Variants in SURF4 observed in about 807,000 individuals in gnomAD.
The protein encoded by SURF4 is surfeit 4, also known as surfeit locus protein 4.
A neutral mutation model predicts 30.0 loss-of-function variants in SURF4; 3 were observed. That is an observed-to-expected ratio of 0.10 (90% CI 0.05 to 0.26). The LOEUF is 0.26. Among genes scored for constraint, SURF4 ranks in the 10% least tolerant of loss-of-function variants. The pLI is 1.00. For synonymous variants in SURF4, 143 were observed against 139.9 expected (o/e 1.02, Z -0.16); for missense variants, 217 against 350.8 (o/e 0.62, Z 3.05).
intron 1 of SURF4, among the ~76,000 whole-genome samples, chr9:133,371,697 G>C (rs1262146727): frequency 6.6e-6 from 1 of 152,206 alleles, no homozygotes; most frequent in Non-Finnish European, 1.5e-5. Context: ...ATATAGGGCA[G>C]GGTATGACAG....
At chr9:133,372,073 T>C (rs1837540551) in intron 1 of SURF4, among the ~76,000 whole-genome samples, 1 of 152,248 alleles carries the variant, frequency 6.6e-6, no homozygotes, top group Non-Finnish European at 1.5e-5. Context: ...GCTGCAGGCA[T>C]GGACATTAGT....
chr9:133,367,544 C>G, intron 1 of SURF4, 99 bp from the exon 2 acceptor site: 1 of 1,576,542 alleles, frequency 6.3e-7, no homozygotes, highest in Non-Finnish European at 8.6e-7. Flanking sequence ...GGAACAGACG[C>G]TGTGGAAGGC....
In SURF4 at chr9:133,366,671, G is replaced by A; in HGVS notation, c.240C>T (p.Gly80=). Residue 80 remains glycine (G), a synonymous_variant, in exon 3 of 6, where the codon GGC becomes GGT. Transcript: ENST00000371989. ...AGTTCCTGCTCAACACCAGGACGCA[G>A]CCAGCTGGAGAGAAGGACAAGGGTT... ...VFLNLLGQLT[G]CVLVLSRNFV... is the part of the protein sequence containing the mutation. 3.1e-6 allele frequency: 5 copies of A among 1,613,552 alleles called. No individual in the cohort carries two copies. The highest frequency in any genetic ancestry group is 2.7e-5 in the African/African-American group (2 of 75,058).
At chr9:133,367,589 C>T (rs2130147006) in intron 1 of SURF4, 144 bp from the exon 2 acceptor site, 38 of 1,522,094 alleles carry the variant, frequency 2.5e-5, no homozygotes, top group Non-Finnish European at 3.2e-5. Context: ...CTTCCCAGGG[C>T]AGACTAGGGG....
Position 133,362,231 on chromosome 9 carries a change from AGG to A in SURF4, c.*1260_*1261del, listed in dbSNP as rs1160943130. ...AGCCAGCCTGTCCCCAGATAGGTCT[AGG>A]GGCCAGAGAGGTGTTCGACTACCCT... On this transcript the variant is annotated 3_prime_UTR_variant, in exon 6 of 6. Transcript: ENST00000371989. 1 of 152,354 alleles carries A rather than the reference AGG, an allele frequency of 6.6e-6. No homozygotes were observed. Among genetic ancestry groups the A allele is most frequent in the Non-Finnish European group, 1.5e-5 (1 of 68,034 alleles). The allele number at this position is 152,354 out of a possible 1,614,324, so 9.4% of individuals were successfully genotyped here. A position where few individuals can be genotyped will look rare whatever the true frequency, so the allele number is the denominator to read the frequency against.
At position 133,363,248 on chromosome 9, in the gene SURF4, G is replaced by C. The variant is rs41306722; in HGVS notation, c.*245C>G. The C allele has an allele frequency of 8.6e-6, 6 of 694,788 alleles. No individual in the cohort carries two copies. The highest frequency in any genetic ancestry group is 3.6e-5 in the African/African-American group (2 of 56,100). 43.0% of individuals were successfully genotyped at this position (694,788 alleles called of 1,614,324 possible). On this transcript the variant is annotated 3_prime_UTR_variant, in exon 6 of 6. Transcript: ENST00000371989. The surrounding 1 kb of genome is among the most constrained non-coding windows in gnomAD (Gnocchi z 4.3). ...GCTGTTCACTCCAAAGCCTCGGCGT[G>C]GGGGAGGCTTCCAGCTGCCAGGCTG...
At chr9:133,366,057 A>G (rs1439144855) in intron 3 of SURF4, 29 bp from the exon 4 acceptor site, 14 of 1,611,384 alleles carry the variant, frequency 8.7e-6, no homozygotes, top group Non-Finnish European at 1.2e-5. Context: ...GAGATACTTG[A>G]GTCTCAGCCT....
rs138030509 is a variant in SURF4 at position 133,372,663 on chromosome 9, T to G, written c.48+3259A>C. The stretch of plus-strand genomic sequence containing the variant: ...GTTTTGCTCTTGTTTTCTGAAGATG[T>G]GAAAAAATGGATGTGTCACTTTATC... On this transcript the variant is annotated intron_variant, in intron 1 of 5. Coordinates refer to ENST00000371989, the MANE Select transcript of SURF4 (RefSeq NM_033161.4). 4.9e-3 allele frequency: 4,812 copies of G among 984,918 alleles called. 12 individuals are homozygous for G. Among genetic ancestry groups the G allele is most frequent in the Middle Eastern group, 0.015 (28 of 1,914 alleles). 61.0% of individuals were successfully genotyped at this position (984,918 alleles called of 1,614,324 possible).
Position 133,362,550 on chromosome 9 carries a change from T to G in SURF4, c.*943A>C, listed in dbSNP as rs2130076621. On this transcript the variant is annotated 3_prime_UTR_variant, in exon 6 of 6. Transcript: ENST00000371989. ...AGGGCGGCCTGCGCTTTCGAGACCT[T>G]GCTCAGAAAAGGCCCCATGTGAGGT... is the stretch of plus-strand genomic sequence containing the variant. 92 of 152,782 alleles carry G rather than the reference T, an allele frequency of 6.0e-4. 1 individual carries two copies. Among genetic ancestry groups the G allele is most frequent in the African/African-American group, 2.1e-3 (89 of 41,552 alleles). The allele number at this position is 152,782 out of a possible 1,614,324, so 9.5% of individuals were successfully genotyped here.
chr9:133,365,131 C>G, intron 4 of SURF4, 105 bp from the exon 5 acceptor site: 1 of 1,106,484 alleles, frequency 9.0e-7, no homozygotes, highest in South Asian at 1.7e-5. Context: ...AAGGCCCTTA[C>G]TTCCCTTTCT....
At chr9:133,369,706 T>C (rs1837387172) in intron 1 of SURF4, among the ~76,000 whole-genome samples, 1 of 152,160 alleles carries the variant, frequency 6.6e-6, no homozygotes, top group Admixed American at 6.5e-5. Context: ...AGCAACAGTG[T>C]AATCACCCAT....
upstream of SURF4, chr9:133,376,438 G>A (rs2130247607): frequency 5.8e-6 from 9 of 1,542,190 alleles, no homozygotes; most frequent in Middle Eastern, 1.8e-4. Flanking sequence ...GTGGGGCCAG[G>A]GGTGGACGCT....
intron 1 of SURF4, among the ~76,000 whole-genome samples, chr9:133,368,224 G>C (rs2130155501): frequency 0.3 from 45,082 of 152,238 alleles, 8,331 homozygotes; most frequent in South Asian, 0.47. Context: ...GTGACGCCCA[G>C]AGTACCCTGA....
chr9:133,367,308 G>A lies in SURF4; in HGVS notation c.186C>T (p.Gly62=), dbSNP rs2130139202. The change falls in exon 2 of 6, where the codon GGC becomes GGT. Residue 62 remains glycine, a synonymous_variant. Transcript: ENST00000371989. ...AGACGAAGGACGAGGCCAGCAGGTA[G>A]CCGCAGTTCCAGGTGGTGTCGATGT... The part of the protein sequence containing the change: ...RDYIDTTWNC[G]YLLASSFVFL... 6.2e-7 allele frequency: 1 copy of A among 1,614,258 alleles called. No homozygotes were observed. Among genetic ancestry groups the A allele is most frequent in the African/African-American group, 1.3e-5 (1 of 75,078 alleles).
chr9:133,375,502 C>T, intron 1 of SURF4: 1 of 832,848 alleles, frequency 1.2e-6, no homozygotes, highest in Non-Finnish European at 1.5e-6. Flanking sequence ...GAGCTCCCAG[C>T]CCGCCTCCGG....
rs1836943354 is a variant in SURF4, at chr9:133,363,371, T to C, written c.*122A>G. 6.7e-7 allele frequency: 1 copy of C among 1,482,070 alleles called. No individual in the cohort carries two copies. Among genetic ancestry groups the C allele is most frequent in the Admixed American group, 1.9e-5 (1 of 53,700 alleles). The allele number at this position is 1,482,070 out of a possible 1,614,324, so 91.8% of individuals were successfully genotyped here. A position where few individuals can be genotyped will look rare whatever the true frequency, so the allele number is the denominator to read the frequency against. ...GCAAATAAAGTTCTCAAAACATCTG[T>C]GCCTTTACCAAGGGAGGGGAAGGGA... On this transcript the variant is annotated 3_prime_UTR_variant, in exon 6 of 6. Coordinates refer to ENST00000371989, the MANE Select transcript of SURF4 (RefSeq NM_033161.4). The surrounding 1 kb of genome is among the most constrained non-coding windows in gnomAD (Gnocchi z 4.3).
upstream of SURF4, among the ~76,000 whole-genome samples, chr9:133,377,285 G>T (rs1344229513): frequency 6.6e-6 from 1 of 152,148 alleles, no homozygotes; most frequent in Non-Finnish European, 1.5e-5. Flanking sequence ...CTTGATTCGA[G>T]ATACGGCTCC....
chr9:133,376,603 A>C, upstream of SURF4: 1 of 1,511,788 alleles, frequency 6.6e-7, no homozygotes, highest in African/African-American at 1.4e-5. Flanking sequence ...TCCGTGGGGT[A>C]ACGGTCGCAA....
At chr9:133,375,894 G>GACC in intron 1 of SURF4, 28 bp downstream of exon 1, 1 of 1,222,144 alleles carries the variant, frequency 8.2e-7, no homozygotes, top group African/African-American at 1.6e-5. Flanking sequence ...TCGGGACCGG[G>GACC]GCCGGGGGAG....
Sources: allele counts gnomAD v4.1 joint callset (sites outside exome capture counted in the v4.1 genomes callset), GRCh38; gene constraint gnomAD v4.1.1; non-coding constraint Gnocchi (gnomAD v3.1); transcripts MANE v1.5; gene names NCBI Gene and HGNC (gene_info 2026-07-23, HGNC 2026-07-21).